Variants in PATJ observed in about 807,000 individuals in gnomAD.
PATJ encodes inaD-like protein.
A neutral mutation model predicts 224.9 loss-of-function variants in PATJ; 190 were observed. That is an observed-to-expected ratio of 0.84 (90% CI 0.75 to 0.95). The LOEUF is 0.95. Among genes scored for constraint, PATJ ranks in the 40% least tolerant of loss-of-function variants. The pLI is 0.00. For synonymous variants in PATJ, 769 were observed against 820.3 expected (o/e 0.94, Z 1.07); for missense variants, 2,121 against 2,270.3 (o/e 0.93, Z 1.34).
intron 26 of PATJ, among the ~76,000 whole-genome samples, chr1:61,918,307 CT>C (rs981322479): frequency 0.02 from 2,265 of 115,584 alleles, 28 homozygotes; most frequent in Middle Eastern, 0.031. Context: ...TTTGTGTATT[CT>C]TTTTTTTTTT....
chr1:61,938,996 G>A (rs140679498), intron 27 of PATJ, among the ~76,000 whole-genome samples: 3,736 of 151,100 alleles, frequency 0.025, 151 homozygotes, highest in African/African-American at 0.086. Flanking sequence ...GGTGGCGGGC[G>A]CTTGTAGTCC....
At chr1:61,905,087 T>C (rs1671681314) in intron 24 of PATJ, among the ~76,000 whole-genome samples, 1 of 64,118 alleles carries the variant, frequency 1.6e-5, no homozygotes, top group South Asian at 6.6e-4. Flanking sequence ...TCCTTTTTGT[T>C]GAGTCAGGTG....
chr1:61,776,809 T>C (rs1646938442), intron 7 of PATJ, among the ~76,000 whole-genome samples: 1 of 151,718 alleles, frequency 6.6e-6, no homozygotes, highest in Non-Finnish European at 1.5e-5. Context: ...CACTGCAAGC[T>C]CCACCTCCCA....
intron 27 of PATJ, among the ~76,000 whole-genome samples, chr1:61,939,109 C>T (rs1207683524): frequency 9.9e-5 from 10 of 100,740 alleles, no homozygotes; most frequent in African/African-American, 3.9e-4. Context: ...GGCGACAGAG[C>T]GAGACTCCAT....
intron 25 of PATJ, among the ~76,000 whole-genome samples, chr1:61,912,266 A>G (rs1242970855): frequency 6.6e-6 from 1 of 152,122 alleles, no homozygotes; most frequent in Non-Finnish European, 1.5e-5. Context: ...ATTTTGCTAA[A>G]GATATATGTA....
At chr1:62,011,318 G>C (rs1373714537) in intron 28 of PATJ, among the ~76,000 whole-genome samples, 2 of 152,192 alleles carry the variant, frequency 1.3e-5, no homozygotes, top group Non-Finnish European at 2.9e-5. Context: ...AGTGAGAGAT[G>C]TGGGACTCTT....
intron 22 of PATJ, among the ~76,000 whole-genome samples, chr1:61,895,396 T>C (rs1445013800): frequency 2.0e-5 from 3 of 152,174 alleles, no homozygotes; most frequent in Non-Finnish European, 2.9e-5. Context: ...AAAAATGGTT[T>C]TGTGGGCCAG....
At chr1:61,798,309 T>C (rs927702251) in intron 11 of PATJ, among the ~76,000 whole-genome samples, 3 of 152,060 alleles carry the variant, frequency 2.0e-5, no homozygotes, top group Admixed American at 2.0e-4. Context: ...TCCTCCTACC[T>C]CAGCCTCCTG....
intron 3 of PATJ, among the ~76,000 whole-genome samples, chr1:61,764,326 A>G (rs1646141341): frequency 6.6e-6 from 1 of 152,064 alleles, no homozygotes; most frequent in Non-Finnish European, 1.5e-5. Context: ...CTCATTTACC[A>G]CACTATCTGG....
chr1:62,002,070 G>A (rs2149611921), intron 28 of PATJ, among the ~76,000 whole-genome samples: 1 of 152,220 alleles, frequency 6.6e-6, no homozygotes, highest in Middle Eastern at 3.4e-3. Context: ...CGGGTGATTA[G>A]GCTGAGTATT....
intron 27 of PATJ, among the ~76,000 whole-genome samples, chr1:61,973,088 G>A (rs765353097): frequency 3.3e-5 from 5 of 151,910 alleles, no homozygotes; most frequent in African/African-American, 4.8e-5. Flanking sequence ...TTAATAAATA[G>A]CCTGTTTCTT....
intron 27 of PATJ, among the ~76,000 whole-genome samples, chr1:61,943,658 G>A (rs1678192343): frequency 2.0e-5 from 3 of 152,178 alleles, no homozygotes; most frequent in Admixed American, 2.0e-4. Flanking sequence ...ACCTCTGGGG[G>A]CAGGGCATAG....
chr1:62,027,994 CAA>C (rs1007177694), intron 29 of PATJ, among the ~76,000 whole-genome samples: 2 of 151,886 alleles, frequency 1.3e-5, no homozygotes, highest in African/African-American at 4.8e-5. Context: ...TTTTGATGTC[CAA>C]TTTATCTAAT....
chr1:61,901,264 T>C lies in PATJ; in HGVS notation c.3204-18T>C, dbSNP rs544474117. On this transcript the variant is annotated intron_variant, in intron 23 of 43. Transcript: ENST00000642238. ...TAAACTTGTTGATGAGTGAGTTTTG[T>C]TTTTTTCCTTTATATAGTGTTGAGA... 4 of 1,478,520 alleles carry C rather than the reference T, an allele frequency of 2.7e-6. No homozygotes were observed. The highest frequency in any genetic ancestry group is 3.6e-6 in the Non-Finnish European group (4 of 1,118,726). The allele number at this position is 1,478,520 out of a possible 1,614,324, so 91.6% of individuals were successfully genotyped here.
chr1:62,000,729 G>A (rs921621506), intron 28 of PATJ, among the ~76,000 whole-genome samples: 24 of 150,684 alleles, frequency 1.6e-4, no homozygotes, highest in Non-Finnish European at 1.5e-4. Context: ...GGGATGGCTG[G>A]GTCAAATGGT....
At chr1:61,862,467 G>C (rs1157793198) in intron 19 of PATJ, among the ~76,000 whole-genome samples, 1 of 152,158 alleles carries the variant, frequency 6.6e-6, no homozygotes, top group Non-Finnish European at 1.5e-5. Context: ...GAAGTGCTGA[G>C]ATTACAGACG....
chr1:61,833,857 T>G, intron 17 of PATJ, 72 bp downstream of exon 17: 1 of 1,398,478 alleles, frequency 7.2e-7, no homozygotes, highest in African/African-American at 1.5e-5. Context: ...AAGTAGCAAT[T>G]GTTTAAGACC....
intron 22 of PATJ, among the ~76,000 whole-genome samples, chr1:61,891,843 T>A (rs1480965375): frequency 6.6e-6 from 1 of 152,164 alleles, no homozygotes; most frequent in African/African-American, 2.4e-5. Flanking sequence ...TACACTCCAA[T>A]GAAGATAAGG....
chr1:61,967,435 T>C (rs1358409839), intron 27 of PATJ, among the ~76,000 whole-genome samples: 1 of 152,222 alleles, frequency 6.6e-6, no homozygotes. Context: ...AATGTCTGCT[T>C]TTCATAAGAT....
Sources: allele counts gnomAD v4.1 joint callset (sites outside exome capture counted in the v4.1 genomes callset), GRCh38; gene constraint gnomAD v4.1.1; transcripts MANE v1.5; gene names NCBI Gene and HGNC (gene_info 2026-07-23, HGNC 2026-07-21).